The following TECPR2 variants were observed in gnomAD, a reference collection of about 807,000 sequenced individuals.
The protein encoded by TECPR2 is tectonin beta-propeller repeat containing 2, also known as tectonin beta-propeller repeat-containing protein 2.
In TECPR2, 65 loss-of-function variants were observed where a neutral mutation model predicts 138.1. The ratio of observed to expected loss-of-function variants is 0.47; its 90% CI spans 0.39 to 0.58. The LOEUF is 0.58. Among genes scored for constraint, TECPR2 ranks in the 20% least tolerant of loss-of-function variants. TECPR2 has a pLI of 0.00. For missense variants in TECPR2, 1,553 were observed against 1,824.5 expected, an observed-to-expected ratio of 0.85 and a Z score of 2.71; for synonymous variants, 746 against 749.8, an observed-to-expected ratio of 0.99 and a Z score of 0.08.
chr14:102,432,312 C>A (rs1265989327), intron 8 of TECPR2, among the ~76,000 whole-genome samples, 184 bp downstream of exon 8: 4 of 151,876 alleles, frequency 2.6e-5, no homozygotes. Flanking sequence ...CACACACACA[C>A]ACACACACAC....
chr14:102,498,037 C>CTCCATCTGTGCCCAAGCTCCCAGT (rs1891337668), intron 19 of TECPR2, 66 bp from the exon 20 acceptor site: 2 of 1,572,056 alleles, frequency 1.3e-6, no homozygotes, highest in Non-Finnish European at 1.7e-6. Context: ...AAGCTCCCAG[C>CTCCATCTGTGCCCAAGCTCCCAGT]TCCATCTGTG....
chr14:102,487,042 A>C (rs1891043998), intron 17 of TECPR2, among the ~76,000 whole-genome samples: 1 of 152,226 alleles, frequency 6.6e-6, no homozygotes, highest in Non-Finnish European at 1.5e-5. Flanking sequence ...ACAGACACAC[A>C]GCAGCACCAT....
intron 6 of TECPR2, among the ~76,000 whole-genome samples, chr14:102,427,377 G>A (rs1003412848): frequency 9.9e-5 from 15 of 152,176 alleles, no homozygotes; most frequent in African/African-American, 2.9e-4. Context: ...ACAGGGGACC[G>A]TCTGGGACAG....
In TECPR2 at chr14:102,468,112, C is replaced by A. The variant is rs150616207; in HGVS notation, c.3789+2823C>A. ...CCGCCCACCTCGGCCTCCCAAAGTGCTTGGATTACAGGCGTGTGCCACCAC... is the reference window on the plus strand; with the variant it reads ...CCGCCCACCTCGGCCTCCCAAAGTGATTGGATTACAGGCGTGTGCCACCAC... On this transcript the variant is annotated intron_variant, in intron 17 of 19. Transcript: ENST00000359520. Among the ~76,000 whole-genome samples, 75 of 151,930 alleles carry A rather than the reference C, an allele frequency of 4.9e-4. No individual in the cohort carries two copies. The East Asian group carries it at 0.014, about 28-fold the overall frequency.
At chr14:102,435,670 G>A (rs931064118) in intron 9 of TECPR2, among the ~76,000 whole-genome samples, 3 of 152,168 alleles carry the variant, frequency 2.0e-5, no homozygotes, top group Non-Finnish European at 2.9e-5. Flanking sequence ...GCAAGAGCAC[G>A]AGGCCATTTC....
intron 1 of TECPR2, among the ~76,000 whole-genome samples, chr14:102,374,945 G>C (rs1887606333): frequency 6.6e-6 from 1 of 152,204 alleles, no homozygotes; most frequent in Admixed American, 6.5e-5. Context: ...AGGCAGATAT[G>C]GGCTCTGCTG....
At chr14:102,453,000 A>G (rs564833854) in intron 16 of TECPR2, among the ~76,000 whole-genome samples, 27 of 152,334 alleles carry the variant, frequency 1.8e-4, no homozygotes, top group African/African-American at 6.0e-4. Context: ...GGTGTTCCCT[A>G]TGACAGGATC....
chr14:102,450,419 C>T, intron 14 of TECPR2, 141 bp from the exon 15 acceptor site: 1 of 764,120 alleles, frequency 1.3e-6, no homozygotes, highest in Non-Finnish European at 2.2e-6. Context: ...GCTGTGATTG[C>T]TCATGTCGCT....
chr14:102,493,767 G>A (rs141498790), intron 17 of TECPR2, among the ~76,000 whole-genome samples: 42 of 152,312 alleles, frequency 2.8e-4, no homozygotes, highest in East Asian at 1.5e-3. Context: ...CAGGGGCTGC[G>A]GTGACCCTGC....
At position 102,501,769 on chromosome 14, in the gene TECPR2, T is replaced by C. The variant is rs1179535548; in HGVS notation, c.*3512T>C. The C allele has an allele frequency of 7.9e-5, 12 of 152,148 alleles. No homozygotes were observed. Among genetic ancestry groups the C allele is most frequent in the Admixed American group, 7.9e-4 (12 of 15,270 alleles). 9.4% of individuals were successfully genotyped at this position (152,148 alleles called of 1,614,324 possible). On this transcript the variant is annotated 3_prime_UTR_variant, in exon 20 of 20. Transcript: ENST00000359520. ...GATGACTCGCAAATTCATAAAGCTT[T>C]CCATAAATATATTTATTAAAAACCA...
intron 17 of TECPR2, among the ~76,000 whole-genome samples, chr14:102,471,097 G>A (rs924003792): frequency 1.3e-5 from 2 of 152,102 alleles, no homozygotes; most frequent in East Asian, 3.9e-4. Flanking sequence ...GATTACAGAC[G>A]TGAGTCACTG....
intron 5 of TECPR2, 149 bp from the exon 6 acceptor site, chr14:102,424,830 C>CA: frequency 1.2e-6 from 1 of 815,134 alleles, no homozygotes; most frequent in Non-Finnish European, 1.9e-6. Context: ...TGTGGTTTGA[C>CA]AAAAAACAAA....
chr14:102,437,677 G>A lies in TECPR2; in HGVS notation c.2395-345G>A, dbSNP rs868385475. On this transcript the variant is annotated intron_variant, in intron 9 of 19. Transcript: ENST00000359520. ...CTTGCATCCAAATGTTGAAGAACCT[G>A]GCTCTTTGTGTAAGGTGAGGTATGC... Among the ~76,000 whole-genome samples the A allele has an allele frequency of 1.3e-5, 2 of 152,262 alleles. 1 individual carries two copies. The highest frequency in any genetic ancestry group is 6.8e-3 in the Middle Eastern group (2 of 294).
chr14:102,393,089 T>A (rs1459775143), intron 2 of TECPR2, among the ~76,000 whole-genome samples: 1 of 152,146 alleles, frequency 6.6e-6, no homozygotes, highest in Non-Finnish European at 1.5e-5. Context: ...TCTACTCCGC[T>A]CTGAAAACCA....
At chr14:102,440,914 A>G (rs1889810854) in intron 11 of TECPR2, among the ~76,000 whole-genome samples, 1 of 152,170 alleles carries the variant, frequency 6.6e-6, no homozygotes, top group South Asian at 2.1e-4. Flanking sequence ...ACAATGTTAG[A>G]TCTTAAGAGG....
chr14:102,423,278 C>T (rs1889232474), intron 5 of TECPR2, among the ~76,000 whole-genome samples: 1 of 151,966 alleles, frequency 6.6e-6, no homozygotes, highest in Non-Finnish European at 1.5e-5. Context: ...ACTAAAAATA[C>T]ACAGTTAGCT....
rs138413687 is a variant in TECPR2 at position 102,407,722 on chromosome 14, T to C, written c.348+256T>C. Among the ~76,000 whole-genome samples, 5,715 of 151,802 alleles carry C rather than the reference T, an allele frequency of 0.038. 122 individuals are homozygous for C. The highest frequency in any genetic ancestry group is 0.092 in the Middle Eastern group (27 of 294). ...ACTAAAAATACAAAATTTGGCCGGG[T>C]GCAGTGGCTCATGCCTGTAATCCCA... On this transcript the variant is annotated intron_variant, in intron 3 of 19. Coordinates refer to ENST00000359520, the MANE Select transcript of TECPR2 (RefSeq NM_014844.5).
At chr14:102,446,787 A>G (rs1889992433) in intron 13 of TECPR2, among the ~76,000 whole-genome samples, 1 of 151,460 alleles carries the variant, frequency 6.6e-6, no homozygotes, top group Admixed American at 6.6e-5. Flanking sequence ...TAATTTGCAA[A>G]CTCTTTGTGT....
intron 16 of TECPR2, among the ~76,000 whole-genome samples, chr14:102,459,108 T>C (rs1329456914): frequency 6.6e-6 from 1 of 151,956 alleles, no homozygotes; most frequent in Admixed American, 6.6e-5. Flanking sequence ...GATTTTTGTT[T>C]TAATTTGGGA....
Sources: allele counts gnomAD v4.1 joint callset (sites outside exome capture counted in the v4.1 genomes callset), GRCh38; gene constraint gnomAD v4.1.1; transcripts MANE v1.5; gene names NCBI Gene and HGNC (gene_info 2026-07-23, HGNC 2026-07-21).